Variants in KIRREL3 observed in about 807,000 individuals in gnomAD.
The protein encoded by KIRREL3 is kin of IRRE-like protein 3.
KIRREL3 carries 36 observed loss-of-function variants against 89.7 expected under a neutral mutation model. The observed-to-expected ratio is 0.40, with a 90% CI of 0.31 to 0.53. KIRREL3 has a LOEUF of 0.53. Among genes scored for constraint, KIRREL3 ranks in the 20% least tolerant of loss-of-function variants. The pLI is 0.49. For missense variants in KIRREL3, 864 were observed against 1,056.6 expected (o/e 0.82, Z 2.53); for synonymous variants, 445 against 441.4 (o/e 1.01, Z -0.10).
At chr11:126,674,049 A>G (rs941399536) in intron 1 of KIRREL3, among the ~76,000 whole-genome samples, 2 of 152,232 alleles carry the variant, frequency 1.3e-5, no homozygotes, top group Non-Finnish European at 2.9e-5. Flanking sequence ...GGACATTTGC[A>G]TGAGAGCCAG....
At chr11:126,973,833 T>C (rs901543183) in intron 1 of KIRREL3, among the ~76,000 whole-genome samples, 2 of 152,202 alleles carry the variant, frequency 1.3e-5, no homozygotes, top group Non-Finnish European at 2.9e-5. Flanking sequence ...ATTCATCAAA[T>C]ATTTATTGTT....
intron 1 of KIRREL3, among the ~76,000 whole-genome samples, chr11:126,886,148 G>C (rs1044128827): frequency 6.6e-6 from 1 of 152,114 alleles, no homozygotes. Flanking sequence ...TTTGACCCAC[G>C]AATACTTACA....
intron 4 of KIRREL3, among the ~76,000 whole-genome samples, chr11:126,481,798 A>G (rs945420539): frequency 2.1e-4 from 32 of 152,192 alleles, no homozygotes; most frequent in African/African-American, 7.5e-4. Flanking sequence ...CAGAAGTCTG[A>G]ATATTCACCT....
At position 126,520,120 on chromosome 11, in the gene KIRREL3, G is replaced by A. The variant is rs1958537305; in HGVS notation, c.433+1195C>T. The stretch of plus-strand genomic sequence containing the variant: ...TCTGCTGCACTGCTTGGAATAATCT[G>A]CCCTGGTGTCTTTGGCCATGTAGAT... On this transcript the variant is annotated intron_variant, in intron 4 of 16. Transcript: ENST00000525144. The surrounding 1 kb of genome is among the most constrained non-coding windows in gnomAD (Gnocchi z 4.9). Among the ~76,000 whole-genome samples, 1 of 152,128 alleles carries A rather than the reference G, an allele frequency of 6.6e-6. No homozygotes were observed. The highest frequency in any genetic ancestry group is 2.4e-5 in the African/African-American group (1 of 41,422).
At chr11:126,590,204 C>T (rs950266839) in intron 1 of KIRREL3, among the ~76,000 whole-genome samples, 1 of 152,138 alleles carries the variant, frequency 6.6e-6, no homozygotes, top group African/African-American at 2.4e-5. Context: ...TTGTTAATAC[C>T]CCCTTTCAAA....
chr11:126,599,518 G>A (rs1174147737), intron 1 of KIRREL3, among the ~76,000 whole-genome samples: 3 of 152,124 alleles, frequency 2.0e-5, no homozygotes, highest in African/African-American at 7.2e-5. Flanking sequence ...TCTGGCATGT[G>A]GCTGGATCTG....
At position 126,490,985 on chromosome 11, in the gene KIRREL3, G is replaced by C. The variant is rs973003460; in HGVS notation, c.434-17519C>G. ...AGGAGGGGGCGTTTGGAGGGTGGAG[G>C]AGAGCCTGTTGTCTCTTTGGAGAAT... On this transcript the variant is annotated intron_variant, in intron 4 of 16. Transcript: ENST00000525144. The surrounding 1 kb of genome is among the most constrained non-coding windows in gnomAD (Gnocchi z 4.2). 2.0e-5 allele frequency among the ~76,000 whole-genome samples: 3 copies of C among 152,222 alleles called. No individual in the cohort carries two copies. Among genetic ancestry groups the C allele is most frequent in the Non-Finnish European group, 4.4e-5 (3 of 68,034 alleles).
chr11:126,640,515 C>A lies in KIRREL3; in HGVS notation c.56-77603G>T, dbSNP rs1944428413. On this transcript the variant is annotated intron_variant, in intron 1 of 16. Coordinates refer to ENST00000525144, the MANE Select transcript of KIRREL3 (RefSeq NM_032531.4). This position sits in a 1 kb window ranked among gnomAD's most constrained non-coding sequence, Gnocchi z 4.9. ...TAGATCTGAGAGAAGAATTTGGCCTCTGAATTAAGTCAGCTTTTTCCTTCT... is the reference window on the plus strand; with the variant it reads ...TAGATCTGAGAGAAGAATTTGGCCTATGAATTAAGTCAGCTTTTTCCTTCT... Among the ~76,000 whole-genome samples the A allele has an allele frequency of 6.6e-6, 1 of 152,192 alleles. No individual in the cohort carries two copies. The highest frequency in any genetic ancestry group is 2.1e-4 in the South Asian group (1 of 4,824).
rs868139471 is a variant in KIRREL3 at position 126,683,652 on chromosome 11, G to T, written c.56-120740C>A. ...TGGCCAGGGCATTGACGGCAGAATC[G>T]TAAGGATCACAGAGACCTCAGGAAC... On this transcript the variant is annotated intron_variant, in intron 1 of 16. Transcript: ENST00000525144. The surrounding 1 kb of genome is among the most constrained non-coding windows in gnomAD (Gnocchi z 5.2). Among the ~76,000 whole-genome samples the T allele has an allele frequency of 6.6e-6, 1 of 152,208 alleles. No individual in the cohort carries two copies. Among genetic ancestry groups the T allele is most frequent in the African/African-American group, 2.4e-5 (1 of 41,456 alleles).
intron 2 of KIRREL3, among the ~76,000 whole-genome samples, chr11:126,545,479 A>G (rs4937150): frequency 0.083 from 12,569 of 152,102 alleles, 717 homozygotes; most frequent in African/African-American, 0.16. Flanking sequence ...GATGGAAATT[A>G]GAGTCCCTGG....
At chr11:126,937,756 G>A (rs376422099) in intron 1 of KIRREL3, among the ~76,000 whole-genome samples, 365 of 152,256 alleles carry the variant, frequency 2.4e-3, no homozygotes, top group Middle Eastern at 0.01. Flanking sequence ...AAAATCAGCC[G>A]GGCGTGGTGG....
rs1469762167 is a variant in KIRREL3, at chr11:126,614,393, C to T, written c.56-51481G>A. On this transcript the variant is annotated intron_variant, in intron 1 of 16. Coordinates refer to ENST00000525144, the MANE Select transcript of KIRREL3 (RefSeq NM_032531.4). This position sits in a 1 kb window ranked among gnomAD's most constrained non-coding sequence, Gnocchi z 4.6. ...ACTTCCATTCTTTGCGCTGTTTTCT[C>T]AAGTGCAAAAGGAAAGGTTGAACTA... Among the ~76,000 whole-genome samples the T allele has an allele frequency of 1.3e-5, 2 of 152,060 alleles. No individual in the cohort carries two copies. Among genetic ancestry groups the T allele is most frequent in the African/African-American group, 4.8e-5 (2 of 41,390 alleles).
rs1278588552 is a variant in KIRREL3, at chr11:126,955,757, C to T, written c.55+44698G>A. Among the ~76,000 whole-genome samples the T allele has an allele frequency of 2.0e-5, 3 of 152,168 alleles. No individual in the cohort carries two copies. Among genetic ancestry groups the T allele is most frequent in the Admixed American group, 6.5e-5 (1 of 15,274 alleles). On this transcript the variant is annotated intron_variant, in intron 1 of 16. Coordinates refer to ENST00000525144, the MANE Select transcript of KIRREL3 (RefSeq NM_032531.4). This position sits in a 1 kb window ranked among gnomAD's most constrained non-coding sequence, Gnocchi z 4.6. Reference sequence around the variant, plus strand: ...GGGATCTAAAAACGAACATGATGCTCGTCCTCAGAAAGCTTAGCTCTAGTG... The same window carrying T: ...GGGATCTAAAAACGAACATGATGCTTGTCCTCAGAAAGCTTAGCTCTAGTG...
chr11:126,455,582 A>C lies in KIRREL3; in HGVS notation c.848+767T>G, dbSNP rs368167792. Reference sequence around the variant, plus strand: ...GGCAGGTGGATCACGAGGTCAGGAGATCGAGACCATCCTGGCTAACACGGT... The same window carrying C: ...GGCAGGTGGATCACGAGGTCAGGAGCTCGAGACCATCCTGGCTAACACGGT... On this transcript the variant is annotated intron_variant, in intron 7 of 16. Transcript: ENST00000525144. This position sits in a 1 kb window ranked among gnomAD's most constrained non-coding sequence, Gnocchi z 6.4. Among the ~76,000 whole-genome samples the C allele has an allele frequency of 6.6e-6, 1 of 151,740 alleles. No individual in the cohort carries two copies. Among genetic ancestry groups the C allele is most frequent in the Admixed American group, 6.6e-5 (1 of 15,240 alleles).
At position 126,606,400 on chromosome 11, in the gene KIRREL3, T is replaced by C. The variant is rs372894619; in HGVS notation, c.56-43488A>G. The stretch of plus-strand genomic sequence containing the variant: ...ATACGGGGAAATAATACCTAACTCA[T>C]GGAGCTGTGAGGAGTGAGCAGATTA... On this transcript the variant is annotated intron_variant, in intron 1 of 16. Coordinates refer to ENST00000525144, the MANE Select transcript of KIRREL3 (RefSeq NM_032531.4). The surrounding 1 kb of genome is among the most constrained non-coding windows in gnomAD (Gnocchi z 4.6). Among the ~76,000 whole-genome samples, 18 of 152,238 alleles carry C rather than the reference T, an allele frequency of 1.2e-4. No homozygotes were observed. The South Asian group carries it at 3.5e-3, about 30-fold the overall frequency.
intron 2 of KIRREL3, among the ~76,000 whole-genome samples, chr11:126,539,262 A>T (rs1938165147): frequency 6.6e-6 from 1 of 152,200 alleles, no homozygotes; most frequent in Non-Finnish European, 1.5e-5. Context: ...CAAGCCTAGC[A>T]GGCTGGGTGC....
rs57306615 is a variant in KIRREL3 at position 126,879,726 on chromosome 11, G to A, written c.55+120729C>T. Among the ~76,000 whole-genome samples, 36,882 of 152,036 alleles carry A rather than the reference G, an allele frequency of 0.24. 4,507 individuals carry two copies. The highest frequency in any genetic ancestry group is 0.31 in the Admixed American group (4,765 of 15,278). ...TTTAACCTTTGCACATTTCTGAGTGGGTCATCTGAGAGAATTATCCTTTGG... is the reference window on the plus strand; with the variant it reads ...TTTAACCTTTGCACATTTCTGAGTGAGTCATCTGAGAGAATTATCCTTTGG... On this transcript the variant is annotated intron_variant, in intron 1 of 16. Transcript: ENST00000525144. The surrounding 1 kb of genome is among the most constrained non-coding windows in gnomAD (Gnocchi z 5.4).
At chr11:126,433,375 G>A (rs1381011053) in intron 13 of KIRREL3, among the ~76,000 whole-genome samples, 2 of 152,208 alleles carry the variant, frequency 1.3e-5, no homozygotes, top group African/African-American at 2.4e-5. Context: ...GCTGGGAGGA[G>A]GTATCAAGGG....
chr11:126,923,189 C>T (rs201127582), intron 1 of KIRREL3, among the ~76,000 whole-genome samples: 2,173 of 15,890 alleles, frequency 0.14, 654 homozygotes, highest in African/African-American at 0.22. Context: ...TTCTTCTTCT[C>T]TTCTTCTTCT....
Sources: allele counts gnomAD v4.1 joint callset (sites outside exome capture counted in the v4.1 genomes callset), GRCh38; gene constraint gnomAD v4.1.1; non-coding constraint Gnocchi (gnomAD v3.1); transcripts MANE v1.5; gene names NCBI Gene and HGNC (gene_info 2026-07-23, HGNC 2026-07-21).